Variants in MC2R observed in about 807,000 individuals in gnomAD.
The protein encoded by MC2R is adrenocorticotropic hormone receptor.
MC2R carries 9 observed loss-of-function variants against 9.8 expected under a neutral mutation model. That is an observed-to-expected ratio of 0.92 (90% CI 0.55 to 1.60). MC2R has a LOEUF of 1.60. MC2R is among the 40% of genes most tolerant of loss of function. The pLI is 0.00. For missense variants in MC2R, 370 were observed against 389.0 expected, an observed-to-expected ratio of 0.95 and a Z score of 0.41; for synonymous variants, 185 against 154.7, an observed-to-expected ratio of 1.20 and a Z score of -1.45.
At chr18:13,895,761 G>A (rs1342268537) in intron 1 of MC2R, among the ~76,000 whole-genome samples, 1 of 152,156 alleles carries the variant, frequency 6.6e-6, no homozygotes, top group Non-Finnish European at 1.5e-5. Flanking sequence ...GCTGCATGTG[G>A]GACTGAAAGT....
chr18:13,905,143 C>T (rs189192760), intron 1 of MC2R, among the ~76,000 whole-genome samples: 1 of 152,044 alleles, frequency 6.6e-6, no homozygotes, highest in East Asian at 1.9e-4. Flanking sequence ...ATCTATCTGA[C>T]AAAGATCTAA....
intron 1 of MC2R, among the ~76,000 whole-genome samples, chr18:13,908,667 C>T (rs1044309307): frequency 6.8e-6 from 1 of 146,998 alleles, no homozygotes; most frequent in Non-Finnish European, 1.5e-5. Flanking sequence ...CATACATATA[C>T]CAGTTTATAA....
In MC2R at chr18:13,884,610, C is replaced by T. The variant is rs751689712; in HGVS notation, c.*15G>A. 4 of 1,610,766 alleles carry T rather than the reference C, an allele frequency of 2.5e-6. No homozygotes were observed. The highest frequency in any genetic ancestry group is 2.5e-6 in the Non-Finnish European group (3 of 1,179,858). Reference sequence around the variant, plus strand: ...ACGTTATTCCCATGGATTCTAAAACCAGGGATCAGCCATTCTACCAGTACC... The same window carrying T: ...ACGTTATTCCCATGGATTCTAAAACTAGGGATCAGCCATTCTACCAGTACC... On this transcript the variant is annotated 3_prime_UTR_variant, in exon 2 of 2. Coordinates refer to ENST00000327606, the MANE Select transcript of MC2R (RefSeq NM_000529.2).
At chr18:13,889,734 TA>T (rs2045303704) in intron 1 of MC2R, among the ~76,000 whole-genome samples, 1 of 152,146 alleles carries the variant, frequency 6.6e-6, no homozygotes, top group South Asian at 2.1e-4. Flanking sequence ...GCTCCAAGGG[TA>T]AGGAGAAGGC....
chr18:13,901,179 A>G lies in MC2R; in HGVS notation c.-129+14309T>C, dbSNP rs188757038. Among the ~76,000 whole-genome samples, 28 of 152,252 alleles carry G rather than the reference A, an allele frequency of 1.8e-4. No homozygotes were observed. In the East Asian group the frequency reaches 5.4e-3, roughly 29 times the overall value. On this transcript the variant is annotated intron_variant, in intron 1 of 1. Transcript: ENST00000327606. The stretch of plus-strand genomic sequence containing the variant: ...ATGAAGAAATTAAATAAATTGAAAA[A>G]TTTTATTGAAACAAATGATAATGCA...
Position 13,885,294 on chromosome 18 carries a change from T to A in MC2R, c.225A>T (p.Leu75=). The A allele has an allele frequency of 6.2e-7, 1 of 1,614,212 alleles. No individual in the cohort carries two copies. The highest frequency in any genetic ancestry group is 8.5e-7 in the Non-Finnish European group (1 of 1,180,024). The change falls in exon 2 of 2, where the codon CTA becomes CTT. Residue 75 remains leucine, a synonymous_variant. Transcript: ENST00000327606. ...TCAGGATATTTTCCAAGATCTTATA[T>A]AGGCTGCCCAGCATATCAGATATGG... ...SLAISDMLGS[L]YKILENILII...
In MC2R at chr18:13,883,268, C is replaced by T. The variant is rs1488572061; in HGVS notation, c.*1357G>A. On this transcript the variant is annotated 3_prime_UTR_variant, in exon 2 of 2. Transcript: ENST00000327606. Reference sequence around the variant, plus strand: ...CTTTCACCCCATTCAAGTCACCCTCCAACTTAGTGGGGACTTACAATCAGG... The same window carrying T: ...CTTTCACCCCATTCAAGTCACCCTCTAACTTAGTGGGGACTTACAATCAGG... The T allele has an allele frequency of 1.3e-5, 2 of 152,290 alleles. No individual in the cohort carries two copies. The highest frequency in any genetic ancestry group is 6.5e-5 in the Admixed American group (1 of 15,282). The allele number at this position is 152,290 out of a possible 1,614,324, so 9.4% of individuals were successfully genotyped here.
intron 1 of MC2R, among the ~76,000 whole-genome samples, chr18:13,909,690 C>G (rs1272002617): frequency 4.6e-5 from 7 of 152,188 alleles, no homozygotes; most frequent in Non-Finnish European, 8.8e-5. Context: ...CCACTGGGAG[C>G]TCTCTCAGTT....
At chr18:13,905,260 C>T (rs543148941) in intron 1 of MC2R, among the ~76,000 whole-genome samples, 15 of 152,094 alleles carry the variant, frequency 9.9e-5, no homozygotes, top group South Asian at 6.2e-4. Flanking sequence ...GACATTTATG[C>T]GGCCAACAAA....
At chr18:13,898,705 A>G (rs1386792180) in intron 1 of MC2R, among the ~76,000 whole-genome samples, 5 of 152,214 alleles carry the variant, frequency 3.3e-5, no homozygotes, top group Admixed American at 6.5e-5. Context: ...GGAGAAAGTA[A>G]GGGACGAGAA....
At chr18:13,887,503 G>C (rs1352016340) in intron 1 of MC2R, among the ~76,000 whole-genome samples, 1 of 152,218 alleles carries the variant, frequency 6.6e-6, no homozygotes, top group Non-Finnish European at 1.5e-5. Context: ...GTGGTGGTTG[G>C]TGTTCATGTT....
At chr18:13,895,922 A>G (rs1175661858) in intron 1 of MC2R, among the ~76,000 whole-genome samples, 3 of 152,230 alleles carry the variant, frequency 2.0e-5, no homozygotes, top group Non-Finnish European at 2.9e-5. Flanking sequence ...TTTGGACTCC[A>G]TAAGTCTCTA....
At chr18:13,894,776 A>C (rs538883848) in intron 1 of MC2R, among the ~76,000 whole-genome samples, 3 of 152,276 alleles carry the variant, frequency 2.0e-5, no homozygotes, top group East Asian at 3.9e-4. Flanking sequence ...TTTGCCTGTC[A>C]CATTTTTTAG....
intron 1 of MC2R, among the ~76,000 whole-genome samples, chr18:13,912,989 G>A (rs1202429694): frequency 6.6e-6 from 1 of 152,108 alleles, no homozygotes; most frequent in Non-Finnish European, 1.5e-5. Context: ...CTTGCAGGCC[G>A]CTGGGCAGGT....
intron 1 of MC2R, among the ~76,000 whole-genome samples, chr18:13,902,461 C>A (rs1390291549): frequency 1.3e-5 from 2 of 152,054 alleles, no homozygotes; most frequent in African/African-American, 4.8e-5. Context: ...CTGTAGTAAC[C>A]AAAACAGGCA....
chr18:13,904,936 A>G (rs576031493), intron 1 of MC2R, among the ~76,000 whole-genome samples: 33 of 152,328 alleles, frequency 2.2e-4, no homozygotes, highest in African/African-American at 7.5e-4. Flanking sequence ...TAAAAACACT[A>G]GAAGAAAACC....
At chr18:13,888,034 C>G (rs2045288366) in intron 1 of MC2R, among the ~76,000 whole-genome samples, 1 of 152,130 alleles carries the variant, frequency 6.6e-6, no homozygotes, top group Non-Finnish European at 1.5e-5. Context: ...GACAGATACT[C>G]CCATCTCATG....
intron 1 of MC2R, among the ~76,000 whole-genome samples, chr18:13,914,848 G>T (rs768125512): frequency 3.9e-5 from 6 of 152,190 alleles, no homozygotes; most frequent in Non-Finnish European, 8.8e-5. Context: ...TGCTTTCTGG[G>T]TGCAAACACT....
chr18:13,906,504 C>T (rs775432487), intron 1 of MC2R, among the ~76,000 whole-genome samples: 3 of 151,940 alleles, frequency 2.0e-5, no homozygotes, highest in African/African-American at 7.3e-5. Context: ...ACATGTATAC[C>T]TATGTAACAA....
Sources: allele counts gnomAD v4.1 joint callset (sites outside exome capture counted in the v4.1 genomes callset), GRCh38; gene constraint gnomAD v4.1.1; transcripts MANE v1.5; gene names NCBI Gene and HGNC (gene_info 2026-07-23, HGNC 2026-07-21).